The following NKAIN3 variants were observed in gnomAD, a reference collection of about 807,000 sequenced individuals.
NKAIN3 encodes the protein sodium/potassium-transporting ATPase subunit beta-1-interacting protein 3.
In NKAIN3, 25 loss-of-function variants were observed where a neutral mutation model predicts 30.2. The observed-to-expected ratio is 0.83, with a 90% CI of 0.60 to 1.16. The LOEUF is 1.16. Ranked by LOEUF, NKAIN3 falls within the 50% of genes most tolerant of loss-of-function variation. NKAIN3 has a pLI of 0.00. For synonymous variants in NKAIN3, 91 were observed against 89.6 expected, an observed-to-expected ratio of 1.02 and a Z score of -0.09; for missense variants, 225 against 254.1, an observed-to-expected ratio of 0.89 and a Z score of 0.78.
At chr8:62,529,993 T>C (rs911626302) in intron 1 of NKAIN3, among the ~76,000 whole-genome samples, 3 of 152,202 alleles carry the variant, frequency 2.0e-5, no homozygotes, top group African/African-American at 7.2e-5. Flanking sequence ...CCCAGCTCTG[T>C]TGACTTTGCA....
chr8:62,295,825 G>A (rs956516164), intron 1 of NKAIN3, among the ~76,000 whole-genome samples: 5 of 152,098 alleles, frequency 3.3e-5, no homozygotes, highest in African/African-American at 1.2e-4. Context: ...ATTCAAGAAT[G>A]TTTATTGAGA....
At chr8:62,847,368 A>G (rs1454472910) in intron 4 of NKAIN3, among the ~76,000 whole-genome samples, 1 of 152,088 alleles carries the variant, frequency 6.6e-6, no homozygotes, top group Non-Finnish European at 1.5e-5. Flanking sequence ...CTTTTTAGTA[A>G]TAGCCTTTAT....
intron 1 of NKAIN3, among the ~76,000 whole-genome samples, chr8:62,360,070 G>A (rs1191632838): frequency 6.6e-6 from 1 of 152,176 alleles, no homozygotes; most frequent in African/African-American, 2.4e-5. Context: ...AAATGCTCTT[G>A]TCTTGGAGGT....
At chr8:62,825,066 A>G (rs995696252) in intron 4 of NKAIN3, among the ~76,000 whole-genome samples, 2 of 152,220 alleles carry the variant, frequency 1.3e-5, no homozygotes, top group Non-Finnish European at 2.9e-5. Flanking sequence ...TTCAGCAAAG[A>G]AAGCAAAGAT....
chr8:62,731,234 GACACACACACACACAC>G (rs67571816), intron 3 of NKAIN3, among the ~76,000 whole-genome samples: 6 of 143,650 alleles, frequency 4.2e-5, no homozygotes, highest in African/African-American at 1.0e-4. Context: ...GGGATCACAG[GACACACACACACACAC>G]ACACACACAC....
chr8:62,738,137 G>A (rs1815737866), intron 3 of NKAIN3, among the ~76,000 whole-genome samples: 1 of 152,158 alleles, frequency 6.6e-6, no homozygotes, highest in African/African-American at 2.4e-5. Context: ...CACCAACAGT[G>A]TAAAATCGTT....
In NKAIN3 at chr8:62,965,451, G is replaced by A. The variant is rs540569016; in HGVS notation, c.*44G>A. The A allele has an allele frequency of 7.1e-5, 70 of 985,640 alleles. No individual in the cohort carries two copies. The highest frequency in any genetic ancestry group is 1.2e-4 in the African/African-American group (7 of 57,298). 61.1% of individuals were successfully genotyped at this position (985,640 alleles called of 1,614,324 possible). A position where few individuals can be genotyped will look rare whatever the true frequency, so the allele number is the denominator to read the frequency against. On this transcript the variant is annotated 3_prime_UTR_variant, in exon 7 of 7. Transcript: ENST00000623646. The stretch of plus-strand genomic sequence containing the variant: ...CTGCGCGCCTCGGTGGATCCGACCC[G>A]CCTGACATTCCTTCCAGAGGCTAGA...
At chr8:62,516,747 T>A (rs904667143) in intron 1 of NKAIN3, among the ~76,000 whole-genome samples, 3 of 152,160 alleles carry the variant, frequency 2.0e-5, no homozygotes, top group African/African-American at 7.2e-5. Flanking sequence ...ATTTACTAAT[T>A]TTGTTGCTGT....
At chr8:62,933,005 C>CACACACACACAG (rs1563634227) in intron 5 of NKAIN3, among the ~76,000 whole-genome samples, 3 of 151,308 alleles carry the variant, frequency 2.0e-5, no homozygotes, top group African/African-American at 7.3e-5. Flanking sequence ...AACACACACA[C>CACACACACACAG]ACACACACAC....
At chr8:62,702,084 T>C (rs1258926660) in intron 3 of NKAIN3, among the ~76,000 whole-genome samples, 1 of 152,210 alleles carries the variant, frequency 6.6e-6, no homozygotes, top group Non-Finnish European at 1.5e-5. Context: ...CTCGTCCTCA[T>C]ATCTGGATTA....
At chr8:62,361,498 TTG>T (rs1816562046) in intron 1 of NKAIN3, among the ~76,000 whole-genome samples, 1 of 152,158 alleles carries the variant, frequency 6.6e-6, no homozygotes, top group East Asian at 1.9e-4. Context: ...AAAAAGTTAA[TTG>T]TTTATTTAGC....
At chr8:62,555,123 A>G (rs541031207) in intron 1 of NKAIN3, among the ~76,000 whole-genome samples, 12 of 151,626 alleles carry the variant, frequency 7.9e-5, no homozygotes, top group Non-Finnish European at 1.5e-4. Flanking sequence ...CACTGTGAAT[A>G]TGTATGCCAC....
intron 1 of NKAIN3, among the ~76,000 whole-genome samples, chr8:62,537,950 T>A (rs1382737817): frequency 6.6e-6 from 1 of 152,130 alleles, no homozygotes; most frequent in Non-Finnish European, 1.5e-5. Context: ...ATGACAGTGC[T>A]GCATCATTTG....
rs543238188 is a variant in NKAIN3 at position 62,883,560 on chromosome 8, G to T, written c.472-34893G>T. On this transcript the variant is annotated intron_variant, in intron 4 of 6. Transcript: ENST00000623646. ...CTAATACCTCTTATTTATTTTTGTT[G>T]TCATATTACATTAGCTAAGAATTTA... Among the ~76,000 whole-genome samples the T allele has an allele frequency of 5.0e-5, 7 of 139,048 alleles. No homozygotes were observed. The East Asian group carries it at 1.6e-3, about 31-fold the overall frequency. 91.2% of individuals were successfully genotyped at this position (139,048 alleles called of 152,430 possible).
intron 1 of NKAIN3, among the ~76,000 whole-genome samples, chr8:62,330,026 G>T (rs1815287310): frequency 1.3e-5 from 2 of 152,132 alleles, no homozygotes; most frequent in Middle Eastern, 6.8e-3. Flanking sequence ...CTCAGTCTTG[G>T]TGACAAGAAC....
At chr8:62,350,850 C>T (rs1290077022) in intron 1 of NKAIN3, among the ~76,000 whole-genome samples, 5 of 151,718 alleles carry the variant, frequency 3.3e-5, no homozygotes, top group African/African-American at 1.2e-4. Context: ...CCACCATGCC[C>T]GGCTAATTTT....
chr8:62,686,154 A>G (rs1423565015), intron 3 of NKAIN3, among the ~76,000 whole-genome samples: 1 of 152,186 alleles, frequency 6.6e-6, no homozygotes, highest in East Asian at 1.9e-4. Flanking sequence ...ATCACTGATC[A>G]CAGCAAGGGC....
intron 1 of NKAIN3, among the ~76,000 whole-genome samples, chr8:62,471,485 C>T (rs961482229): frequency 1.3e-5 from 2 of 152,110 alleles, no homozygotes; most frequent in African/African-American, 4.8e-5. Flanking sequence ...AAAGAAAAAT[C>T]TTGTGTGTAC....
At chr8:62,994,593 G>C (rs1022284894) in intron 5 of NKAIN3, among the ~76,000 whole-genome samples, 1 of 152,094 alleles carries the variant, frequency 6.6e-6, no homozygotes. Flanking sequence ...AAATGTTATG[G>C]TCTTTAACCA....
Sources: allele counts gnomAD v4.1 joint callset (sites outside exome capture counted in the v4.1 genomes callset), GRCh38; gene constraint gnomAD v4.1.1; transcripts MANE v1.5; gene names NCBI Gene and HGNC (gene_info 2026-07-23, HGNC 2026-07-21).